KIAA1217: variants seen among roughly 807,000 people sequenced by gnomAD.
The protein encoded by KIAA1217 is sickle tail protein homolog.
KIAA1217 carries 88 observed loss-of-function variants against 163.9 expected under a neutral mutation model. The observed-to-expected ratio is 0.54, with a 90% CI of 0.45 to 0.64. The LOEUF is 0.64. Among genes scored for constraint, KIAA1217 ranks in the 30% least tolerant of loss-of-function variants. KIAA1217 has a pLI of 0.00. For missense variants in KIAA1217, 2,372 were observed against 2,475.0 expected (o/e 0.96, Z 0.88); for synonymous variants, 903 against 923.1 (o/e 0.98, Z 0.39).
chr10:24,150,018 T>C (rs965645269), intron 2 of KIAA1217, among the ~76,000 whole-genome samples: 4 of 152,178 alleles, frequency 2.6e-5, no homozygotes, highest in Non-Finnish European at 4.4e-5. Flanking sequence ...TTTTTCTTTT[T>C]TCTTTTTCTT....
rs373070153 is a variant in KIAA1217 at position 24,494,703 on chromosome 10, T to C, written c.1784+99T>C. 254 of 889,142 alleles carry C rather than the reference T, an allele frequency of 2.9e-4. 2 individuals are homozygous for C. The African/African-American group carries it at 3.8e-3, about 13-fold the overall frequency. The allele number at this position is 889,142 out of a possible 1,614,324, so 55.1% of individuals were successfully genotyped here. A position where few individuals can be genotyped will look rare whatever the true frequency, so the allele number is the denominator to read the frequency against. ...TTCAAATCTGTTTTCTTGTAATCAT[T>C]TCAAGGCTGAAAATATTCACATCTC... On this transcript the variant is annotated intron_variant, in intron 7 of 20. Transcript: ENST00000376454.
chr10:24,287,800 C>A (rs1438795201), intron 2 of KIAA1217, among the ~76,000 whole-genome samples: 1 of 152,192 alleles, frequency 6.6e-6, no homozygotes, highest in Non-Finnish European at 1.5e-5. Context: ...AACTGCCTTA[C>A]ATTGTACTAG....
intron 1 of KIAA1217, among the ~76,000 whole-genome samples, chr10:24,212,757 G>A (rs2130706621): frequency 6.6e-6 from 1 of 152,228 alleles, no homozygotes; most frequent in Middle Eastern, 3.4e-3. Context: ...CTGTGTATCT[G>A]TTTTACCCAA....
At chr10:24,150,280 G>T (rs375712924) in intron 2 of KIAA1217, among the ~76,000 whole-genome samples, 8 of 152,314 alleles carry the variant, frequency 5.3e-5, no homozygotes, top group Non-Finnish European at 5.9e-5. Context: ...CTCCCAAAGC[G>T]CTGGGATTAC....
chr10:24,486,681 C>T (rs1277760256), intron 6 of KIAA1217, among the ~76,000 whole-genome samples: 1 of 152,190 alleles, frequency 6.6e-6, no homozygotes, highest in Admixed American at 6.5e-5. Context: ...CACACATGGC[C>T]TGCTCTCTCA....
intron 1 of KIAA1217, among the ~76,000 whole-genome samples, chr10:23,762,420 G>A (rs1356201197): frequency 1.3e-5 from 2 of 152,074 alleles, no homozygotes; most frequent in African/African-American, 2.4e-5. Context: ...TATCTACCAT[G>A]ATCAAGTCTG....
intron 1 of KIAA1217, among the ~76,000 whole-genome samples, chr10:23,988,599 A>T (rs1004407947): frequency 4.6e-5 from 7 of 152,222 alleles, no homozygotes; most frequent in African/African-American, 1.7e-4. Context: ...CATACAAACC[A>T]TGTGAAGTAC....
At chr10:23,843,411 A>G (rs952440724) in intron 1 of KIAA1217, among the ~76,000 whole-genome samples, 2 of 152,184 alleles carry the variant, frequency 1.3e-5, no homozygotes, top group Admixed American at 1.3e-4. Flanking sequence ...AATAATCTCA[A>G]CAGAGATGAC....
At chr10:24,524,116 AC>A (rs1354234145) in intron 12 of KIAA1217, among the ~76,000 whole-genome samples, 1 of 152,114 alleles carries the variant, frequency 6.6e-6, no homozygotes, top group Non-Finnish European at 1.5e-5. Context: ...ATTTTCTTCT[AC>A]CCACCCCCCA....
Position 23,790,313 on chromosome 10 carries a change from A to G in KIAA1217, c.-321+95079A>G, listed in dbSNP as rs868142738. 1.6e-3 allele frequency among the ~76,000 whole-genome samples: 157 copies of G among 95,888 alleles called. 10 individuals are homozygous for G. Among genetic ancestry groups the G allele is most frequent in the East Asian group, 9.7e-3 (35 of 3,604 alleles). 62.9% of individuals were successfully genotyped at this position (95,888 alleles called of 152,430 possible). ...TATGCATATGCACATATGCATATAT[A>G]CATATGCACATATGCATATATGCAT... is the stretch of plus-strand genomic sequence containing the variant. On this transcript the variant is annotated intron_variant, in intron 1 of 18. Transcript: ENST00000376462.
chr10:24,503,676 A>G lies in KIAA1217; in HGVS notation c.2001+2131A>G, dbSNP rs1232727423. Among the ~76,000 whole-genome samples the G allele has an allele frequency of 3.3e-5, 5 of 152,228 alleles. No homozygotes were observed. The South Asian group carries it at 8.3e-4, about 25-fold the overall frequency. On this transcript the variant is annotated intron_variant, in intron 9 of 20. Coordinates refer to ENST00000376454, the MANE Select transcript of KIAA1217 (RefSeq NM_019590.5). ...TTATATGAATTACCGCCATTTAAAA[A>G]TGTTGGAAAGTAATTGAAAACTAAT...
chr10:23,855,113 T>C (rs938350737), intron 1 of KIAA1217, among the ~76,000 whole-genome samples: 29 of 152,230 alleles, frequency 1.9e-4, no homozygotes, highest in Non-Finnish European at 3.4e-4. Flanking sequence ...CTAGCCTCGA[T>C]GGTCTTTACA....
At chr10:24,172,870 C>G (rs567311393) in intron 2 of KIAA1217, among the ~76,000 whole-genome samples, 1 of 152,330 alleles carries the variant, frequency 6.6e-6, no homozygotes, top group East Asian at 1.9e-4. Flanking sequence ...CTGTCTGGCT[C>G]ATTCCTAAGT....
At chr10:24,397,477 C>G (rs1319241711) in intron 3 of KIAA1217, among the ~76,000 whole-genome samples, 1 of 152,190 alleles carries the variant, frequency 6.6e-6, no homozygotes, top group East Asian at 1.9e-4. Context: ...TAGGCGGTAT[C>G]TAACACACCA....
At chr10:24,368,803 C>T in intron 2 of KIAA1217, 3 of 973,518 alleles carry the variant, frequency 3.1e-6, no homozygotes, top group Non-Finnish European at 3.7e-6. Context: ...GGAAGCTGAG[C>T]CATCTAGAAT....
At chr10:23,871,367 C>A (rs1840448480) in intron 1 of KIAA1217, among the ~76,000 whole-genome samples, 1 of 152,058 alleles carries the variant, frequency 6.6e-6, no homozygotes, top group Non-Finnish European at 1.5e-5. Flanking sequence ...TGCAGACAAA[C>A]CACATGTGCG....
chr10:23,805,297 A>C (rs1200866509), intron 1 of KIAA1217, among the ~76,000 whole-genome samples: 1 of 152,234 alleles, frequency 6.6e-6, no homozygotes, highest in Non-Finnish European at 1.5e-5. Flanking sequence ...CTGTATAAAG[A>C]AAATTTCTTA....
At chr10:24,039,873 G>A (rs565109228) in intron 2 of KIAA1217, among the ~76,000 whole-genome samples, 5 of 151,868 alleles carry the variant, frequency 3.3e-5, no homozygotes, top group Non-Finnish European at 4.4e-5. Flanking sequence ...CTGTTTTTCT[G>A]GAGAACCCTG....
intron 1 of KIAA1217, among the ~76,000 whole-genome samples, chr10:23,751,773 A>C (rs948771341): frequency 1.3e-5 from 2 of 152,154 alleles, no homozygotes; most frequent in African/African-American, 4.8e-5. Flanking sequence ...AGCCATCTGC[A>C]GGGGCTTCTT....
Sources: allele counts gnomAD v4.1 joint callset (sites outside exome capture counted in the v4.1 genomes callset), GRCh38; gene constraint gnomAD v4.1.1; transcripts MANE v1.5; gene names NCBI Gene and HGNC (gene_info 2026-07-23, HGNC 2026-07-21).